The following METTL15 variants were observed in gnomAD, a reference collection of about 807,000 sequenced individuals.
METTL15 encodes the protein 12S rRNA N(4)-cytidine methyltransferase METTL15.
In METTL15, 34 loss-of-function variants were observed where a neutral mutation model predicts 38.3. The ratio of observed to expected loss-of-function variants is 0.89; its 90% CI spans 0.68 to 1.18. The LOEUF is 1.18. Ranked by LOEUF, METTL15 falls within the 50% of genes most tolerant of loss-of-function variation. The pLI is 0.00. For synonymous variants in METTL15, 162 were observed against 170.9 expected, an observed-to-expected ratio of 0.95 and a Z score of 0.41; for missense variants, 438 against 498.4, an observed-to-expected ratio of 0.88 and a Z score of 1.15.
chr11:28,194,122 A>ATCTGTCTTTCTT, intron 3 of METTL15, among the ~76,000 whole-genome samples: 1 of 99,168 alleles, frequency 1.0e-5, no homozygotes, highest in African/African-American at 4.0e-5. Flanking sequence ...TTGATGGTTG[A>ATCTGTCTTTCTT]TCTTTCTTTC....
At chr11:28,301,207 T>C (rs929826645) in intron 6 of METTL15, among the ~76,000 whole-genome samples, 2 of 152,074 alleles carry the variant, frequency 1.3e-5, no homozygotes, top group Non-Finnish European at 2.9e-5. Flanking sequence ...CAGCACACCA[T>C]AGTCATTCAC....
At chr11:28,394,614 A>G (rs960383800) in intron 5 of METTL15, among the ~76,000 whole-genome samples, 2 of 152,078 alleles carry the variant, frequency 1.3e-5, no homozygotes, top group African/African-American at 2.4e-5. Context: ...GGAGGTCCAC[A>G]TGCACTGAAG....
At chr11:28,136,880 G>A (rs1849531269) in intron 3 of METTL15, among the ~76,000 whole-genome samples, 1 of 150,830 alleles carries the variant, frequency 6.6e-6, no homozygotes, top group Admixed American at 6.6e-5. Flanking sequence ...ATTACCGTAA[G>A]TTCTTTTGCC....
chr11:28,371,296 T>C (rs1226198776), intron 5 of METTL15, among the ~76,000 whole-genome samples: 1 of 152,092 alleles, frequency 6.6e-6, no homozygotes, highest in African/African-American at 2.4e-5. Flanking sequence ...CCTTTCACTA[T>C]TGTATGTTCT....
chr11:28,320,876 C>CTATA (rs1849443422), intron 6 of METTL15, among the ~76,000 whole-genome samples: 2 of 151,908 alleles, frequency 1.3e-5, no homozygotes, highest in African/African-American at 4.8e-5. Context: ...TTGTAAGTCT[C>CTATA]TATACTTTTA....
At chr11:28,353,786 G>T (rs1188724491) in intron 4 of METTL15, among the ~76,000 whole-genome samples, 3 of 151,540 alleles carry the variant, frequency 2.0e-5, no homozygotes, top group Non-Finnish European at 4.4e-5. Context: ...TTAGCCGGGC[G>T]CGGTGGCGGG....
chr11:28,432,866 ATTCT>A, intron 6 of METTL15, among the ~76,000 whole-genome samples: 1 of 151,738 alleles, frequency 6.6e-6, no homozygotes, highest in Non-Finnish European at 1.5e-5. Context: ...CTAGTGAAGC[ATTCT>A]TTCTTAGCAA....
chr11:28,256,427 C>A (rs1391028132), intron 4 of METTL15, among the ~76,000 whole-genome samples: 1 of 152,098 alleles, frequency 6.6e-6, no homozygotes, highest in Non-Finnish European at 1.5e-5. Flanking sequence ...CTGGTTCAAT[C>A]TTGGTAGGTT....
At chr11:28,467,185 T>G (rs1348354415) in intron 6 of METTL15, among the ~76,000 whole-genome samples, 1 of 152,212 alleles carries the variant, frequency 6.6e-6, no homozygotes, top group Non-Finnish European at 1.5e-5. Flanking sequence ...GGACTCATAT[T>G]AACCGTCTAG....
At chr11:28,252,854 C>A (rs370589458) in intron 4 of METTL15, among the ~76,000 whole-genome samples, 108 of 152,262 alleles carry the variant, frequency 7.1e-4, no homozygotes, top group African/African-American at 2.3e-3. Context: ...TCCACTCCTG[C>A]AATCACTCCA....
At chr11:28,270,345 A>G (rs1185910428) in intron 4 of METTL15, among the ~76,000 whole-genome samples, 1 of 152,174 alleles carries the variant, frequency 6.6e-6, no homozygotes, top group East Asian at 1.9e-4. Context: ...TTAACATTAC[A>G]CATGAATTTG....
intron 3 of METTL15, among the ~76,000 whole-genome samples, chr11:28,207,815 A>T (rs184077712): frequency 1.3e-5 from 2 of 152,008 alleles, no homozygotes; most frequent in African/African-American, 2.4e-5. Context: ...CAGAGATTCA[A>T]CTTCTTCCTG....
chr11:28,287,749 C>G (rs1431265844), intron 4 of METTL15: 1 of 152,590 alleles, frequency 6.6e-6, no homozygotes, highest in Non-Finnish European at 1.5e-5. Context: ...ATAAGGTTAC[C>G]TAGCCAAACA....
chr11:28,531,689 GGTA>G (rs2133522318), downstream of METTL15, among the ~76,000 whole-genome samples: 1 of 152,042 alleles, frequency 6.6e-6, no homozygotes, highest in South Asian at 2.1e-4. Flanking sequence ...CTTGAAAAAT[GGTA>G]GTAGTAATAT....
intron 4 of METTL15, among the ~76,000 whole-genome samples, chr11:28,269,255 T>C (rs144883650): frequency 1.3e-5 from 2 of 152,208 alleles, no homozygotes; most frequent in African/African-American, 4.8e-5. Flanking sequence ...GGTTAAAATT[T>C]TATGACTGAT....
downstream of METTL15, among the ~76,000 whole-genome samples, chr11:28,531,829 CAG>C (rs1851844705): frequency 6.6e-6 from 1 of 152,068 alleles, no homozygotes; most frequent in Non-Finnish European, 1.5e-5. Flanking sequence ...TAGATAGACA[CAG>C]AGAATCCTGC....
chr11:28,428,298 C>T (rs1052227820), intron 6 of METTL15, among the ~76,000 whole-genome samples: 3 of 152,236 alleles, frequency 2.0e-5, no homozygotes, highest in African/African-American at 7.2e-5. Context: ...TGTGTGTCTA[C>T]ACATAGGTAG....
At chr11:28,469,597 A>G (rs550379516) in intron 6 of METTL15, among the ~76,000 whole-genome samples, 82 of 152,258 alleles carry the variant, frequency 5.4e-4, no homozygotes, top group African/African-American at 1.9e-3. Flanking sequence ...TGTGCTTCAG[A>G]TTCTTCATCT....
At chr11:28,166,263 C>T (rs1413443927) in intron 3 of METTL15, among the ~76,000 whole-genome samples, 1 of 152,182 alleles carries the variant, frequency 6.6e-6, no homozygotes, top group Non-Finnish European at 1.5e-5. Context: ...TGCATTTTCT[C>T]TTTTCCCTCC....
Sources: gnomAD v4.1 joint callset for allele counts (sites outside exome capture counted in the v4.1 genomes callset) on GRCh38, gnomAD v4.1.1 for gene constraint, MANE v1.5 for transcripts, NCBI Gene and HGNC (gene_info 2026-07-23, HGNC 2026-07-21) for gene names.